MEI1: variants seen among roughly 807,000 people sequenced by gnomAD.
The protein encoded by MEI1 is meiotic double-stranded break formation protein 1.
A neutral mutation model predicts 146.2 loss-of-function variants in MEI1; 103 were observed. That is an observed-to-expected ratio of 0.70 (90% confidence interval 0.60 to 0.83). The LOEUF is 0.83. Among genes scored for constraint, MEI1 ranks in the 40% least tolerant of loss-of-function variants. The pLI is 0.00. For missense variants in MEI1, 1,529 were observed against 1,533.0 expected (o/e 1.00, Z 0.04); for synonymous variants, 652 against 628.2 (o/e 1.04, Z -0.57).
At chr22:41,799,047 C>T (rs1319520013) in intron 30 of MEI1, among the ~76,000 whole-genome samples, 6 of 152,176 alleles carry the variant, frequency 3.9e-5, no homozygotes, top group Admixed American at 3.9e-4. Flanking sequence ...TGGCTCTCTT[C>T]CTTGCCCCTT....
At chr22:41,700,749 A>AATTTTTT (rs1317653538) in intron 1 of MEI1, among the ~76,000 whole-genome samples, 2 of 117,670 alleles carry the variant, frequency 1.7e-5, no homozygotes, top group African/African-American at 7.6e-5. Context: ...GCAGTTCTCA[A>AATTTTTT]TTTTTTTTTT....
At chr22:41,771,698 A>G (rs2075192130) in intron 20 of MEI1, among the ~76,000 whole-genome samples, 1 of 152,112 alleles carries the variant, frequency 6.6e-6, no homozygotes, top group Non-Finnish European at 1.5e-5. Flanking sequence ...CCCATCAGGA[A>G]TTAGATGGGC....
chr22:41,796,566 A>C (rs193217863), intron 30 of MEI1, among the ~76,000 whole-genome samples: 1 of 152,256 alleles, frequency 6.6e-6, no homozygotes, highest in East Asian at 1.9e-4. Context: ...AGCATCCCTA[A>C]TACAAAAATT....
intron 26 of MEI1, among the ~76,000 whole-genome samples, chr22:41,785,022 C>T (rs149969031): frequency 0.081 from 12,184 of 150,986 alleles, 1,157 homozygotes; most frequent in African/African-American, 0.23. Flanking sequence ...CTGCAACCTC[C>T]GCCTCCCGGG....
intron 30 of MEI1, among the ~76,000 whole-genome samples, chr22:41,798,589 A>G (rs1041453661): frequency 5.3e-5 from 8 of 151,300 alleles, no homozygotes; most frequent in Non-Finnish European, 1.5e-5. Context: ...AAAAAAAAGA[A>G]AGCTTGGGGG....
chr22:41,718,084 G>A lies in MEI1; in HGVS notation c.543G>A (p.Glu181=), dbSNP rs1462918376. ...ELVMEHGNLM[E]HLLRGLVYPS... ...TTTTCTGGACAGGCAACCTGATGGA[G>A]CATCTGTTGAGAGGCTTAGTATACC... The change falls in exon 6 of 31, where the codon GAG becomes GAA. Residue 181 remains glutamate (E), a synonymous_variant. Transcript: ENST00000401548. 1.2e-6 allele frequency: 2 copies of A among 1,600,710 alleles called. No homozygotes were observed. Among genetic ancestry groups the A allele is most frequent in the South Asian group, 1.1e-5 (1 of 89,712 alleles).
chr22:41,769,458 A>G (rs960982176), intron 19 of MEI1, among the ~76,000 whole-genome samples: 3 of 146,484 alleles, frequency 2.0e-5, no homozygotes, highest in Non-Finnish European at 4.5e-5. Context: ...TAAAACCCAT[A>G]TAATAGCATA....
At chr22:41,720,802 C>G (rs915700609) in intron 6 of MEI1, among the ~76,000 whole-genome samples, 2 of 148,578 alleles carry the variant, frequency 1.3e-5, no homozygotes, top group Non-Finnish European at 1.5e-5. Context: ...GACAGAGTCT[C>G]GCTCTGCTGG....
chr22:41,789,776 T>TG (rs2076109735), intron 26 of MEI1, among the ~76,000 whole-genome samples: 1 of 152,208 alleles, frequency 6.6e-6, no homozygotes, highest in African/African-American at 2.4e-5. Flanking sequence ...CAACAGTCCC[T>TG]GGGAAGGGGA....
In MEI1 at chr22:41,784,759, T is replaced by A. The variant is rs1247214304; in HGVS notation, c.3321T>A (p.Ile1107=). ...TGTCGCAAGTCCGGTCCCTGGTCATTGGGCTGCAGAACCTCCTGGTGCAGG... is the reference window on the plus strand; with the variant it reads ...TGTCGCAAGTCCGGTCCCTGGTCATAGGGCTGCAGAACCTCCTGGTGCAGG... The part of the protein sequence containing the change: ...LRMSQVRSLV[I]GLQNLLVQKD... Residue 1107 remains isoleucine (I), a synonymous_variant, in exon 26 of 31, where the codon ATT becomes ATA. Transcript: ENST00000401548. 6.2e-7 allele frequency: 1 copy of A among 1,610,712 alleles called. No homozygotes were observed. Among genetic ancestry groups the A allele is most frequent in the Non-Finnish European group, 8.5e-7 (1 of 1,178,342 alleles).
chr22:41,705,808 A>G (rs562151883), intron 3 of MEI1, among the ~76,000 whole-genome samples: 7 of 151,356 alleles, frequency 4.6e-5, no homozygotes, highest in African/African-American at 1.7e-4. Flanking sequence ...CGCGGGTTCA[A>G]GCGATTCTCC....
intron 19 of MEI1, among the ~76,000 whole-genome samples, chr22:41,768,779 A>G (rs767696358): frequency 2.2e-4 from 34 of 152,190 alleles, no homozygotes; most frequent in Non-Finnish European, 4.0e-4. Flanking sequence ...GTCCACCCCC[A>G]TGATCCAGTC....
chr22:41,721,086 T>C (rs535472574), intron 6 of MEI1, among the ~76,000 whole-genome samples: 10 of 151,434 alleles, frequency 6.6e-5, no homozygotes, highest in African/African-American at 2.2e-4. Flanking sequence ...GCCTTTTTTT[T>C]GTATTTTTAG....
At chr22:41,739,149 A>T (rs1421825985) in intron 11 of MEI1, among the ~76,000 whole-genome samples, 4 of 149,874 alleles carry the variant, frequency 2.7e-5, no homozygotes, top group Admixed American at 6.6e-5. Flanking sequence ...ACAAAAAAAA[A>T]AAAAATTAGC....
chr22:41,714,186 C>A, intron 4 of MEI1, 111 bp downstream of exon 4: 1 of 1,017,622 alleles, frequency 9.8e-7, no homozygotes, highest in South Asian at 1.5e-5. Flanking sequence ...AAGGAGCTTT[C>A]CTGAGGTCAC....
At chr22:41,718,774 G>A (rs2070450720) in intron 6 of MEI1, among the ~76,000 whole-genome samples, 1 of 152,110 alleles carries the variant, frequency 6.6e-6, no homozygotes, top group African/African-American at 2.4e-5. Flanking sequence ...TCAAGAGGCT[G>A]GCAGTTGGTG....
At chr22:41,762,551 T>G (rs2074565307) in intron 18 of MEI1, among the ~76,000 whole-genome samples, 1 of 115,852 alleles carries the variant, frequency 8.6e-6, no homozygotes, top group Non-Finnish European at 2.1e-5. Flanking sequence ...ATTTAACTGA[T>G]TTTTTTTTTT....
intron 15 of MEI1, among the ~76,000 whole-genome samples, chr22:41,750,042 A>G (rs545200499): frequency 3.3e-5 from 5 of 152,342 alleles, no homozygotes; most frequent in Admixed American, 2.6e-4. Flanking sequence ...TTCAGCATCC[A>G]GCCTTTCATT....
In MEI1 at chr22:41,745,006, A is replaced by G. The variant is rs752557743; in HGVS notation, c.1480A>G (p.Ile494Val). The G allele has an allele frequency of 5.7e-6, 9 of 1,565,658 alleles. No individual in the cohort carries two copies. In the East Asian group the frequency reaches 9.4e-5, roughly 16 times the overall value. Residue 494 changes from isoleucine (I) to valine (V), a missense_variant, in exon 13 of 31, where the codon ATT becomes GTT. Physicochemically the swap from Ile to Val is conservative, Grantham distance 29 (BLOSUM62 3). Coordinates refer to ENST00000401548, the MANE Select transcript of MEI1 (RefSeq NM_152513.4). The part of the protein sequence containing the change: ...HASSRDSEKA[I>V]LQRGKFLLST... ...CTCCAGTAGAGATTCAGAGAAGGCC[A>G]TTCTTCAAAGGGGAAAGTTCCTCCT...
Sources: gnomAD v4.1 joint callset for allele counts (sites outside exome capture counted in the v4.1 genomes callset) on GRCh38, gnomAD v4.1.1 for gene constraint, MANE v1.5 for transcripts, NCBI Gene and HGNC (gene_info 2026-07-23, HGNC 2026-07-21) for gene names.